LPP: variants seen among roughly 807,000 people sequenced by gnomAD.
LPP encodes LIM domain containing preferred translocation partner in lipoma.
LPP carries 38 observed loss-of-function variants against 60.4 expected under a neutral mutation model. That is an observed-to-expected ratio of 0.63 (90% CI 0.49 to 0.83). The LOEUF is 0.83. Ranked by LOEUF, LPP falls within the 40% of genes least tolerant of loss-of-function variation. LPP has a pLI of 0.00. For missense variants in LPP, 902 were observed against 783.6 expected (o/e 1.15, Z -1.80); for synonymous variants, 328 against 290.8 (o/e 1.13, Z -1.30).
intron 7 of LPP, among the ~76,000 whole-genome samples, chr3:188,647,104 C>T (rs985226635): frequency 1.1e-4 from 17 of 152,184 alleles, no homozygotes; most frequent in African/African-American, 2.7e-4. Context: ...CAGTTGGAAC[C>T]CCTGTTTTGA....
chr3:188,686,605 C>A (rs1383637339), intron 7 of LPP, among the ~76,000 whole-genome samples: 1 of 152,202 alleles, frequency 6.6e-6, no homozygotes, highest in Non-Finnish European at 1.5e-5. Context: ...CTAGGCCTCA[C>A]CCCTAGAGAT....
At position 188,698,175 on chromosome 3, in the gene LPP, T is replaced by C. The variant is rs1042525073; in HGVS notation, c.1114-10092T>C. The stretch of plus-strand genomic sequence containing the variant: ...ATTCTTCCAGGCAACCAAATGAAGA[T>C]GAAACGTGTGCCTGGAGTCACTGCC... On this transcript the variant is annotated intron_variant, in intron 7 of 11. Transcript: ENST00000617246. 2.0e-5 allele frequency among the ~76,000 whole-genome samples: 3 copies of C among 152,056 alleles called. No homozygotes were observed. In the South Asian group the frequency reaches 6.2e-4, roughly 32 times the overall value.
chr3:188,508,220 T>A (rs1016632379), intron 5 of LPP, among the ~76,000 whole-genome samples: 19 of 152,206 alleles, frequency 1.2e-4, no homozygotes, highest in African/African-American at 3.9e-4. Flanking sequence ...GAGTCCAGGA[T>A]GCTTGGCAGG....
In LPP at chr3:188,592,563, T is replaced by TTTTTTTTGG; in HGVS notation, c.430-16598_430-16597insTTTTTTTGG. ...TGTTTTTAGTTTTGTTTTTGTTTTT[T>TTTTTTTTGG]AAATGGAGTCTCACTCTTTCTCCCA... On this transcript the variant is annotated intron_variant, in intron 6 of 11. Transcript: ENST00000617246. Among the ~76,000 whole-genome samples the TTTTTTTTGG allele has an allele frequency of 1.3e-4, 10 of 77,250 alleles. 1 individual carries two copies. The highest frequency in any genetic ancestry group is 1.9e-4 in the African/African-American group (4 of 21,388). The allele number at this position is 77,250 out of a possible 152,430, so 50.7% of individuals were successfully genotyped here.
intron 4 of LPP, among the ~76,000 whole-genome samples, chr3:188,408,644 TTTGTTA>T (rs909416855): frequency 1.3e-5 from 2 of 152,332 alleles, no homozygotes; most frequent in South Asian, 4.1e-4. Flanking sequence ...TTCTACCACT[TTTGTTA>T]TTGCTCCTGC....
At chr3:188,589,837 T>C (rs1041795813) in intron 6 of LPP, among the ~76,000 whole-genome samples, 2 of 152,350 alleles carry the variant, frequency 1.3e-5, no homozygotes, top group Admixed American at 6.5e-5. Flanking sequence ...AAGCATATTT[T>C]GAACTAAAGA....
intron 7 of LPP, among the ~76,000 whole-genome samples, chr3:188,644,683 T>C (rs943403553): frequency 6.6e-6 from 1 of 152,114 alleles, no homozygotes; most frequent in African/African-American, 2.4e-5. Context: ...GTTTTTATAA[T>C]GTGGAAGCCA....
At chr3:188,230,574 G>A (rs1577411806) in intron 2 of LPP, among the ~76,000 whole-genome samples, 1 of 151,722 alleles carries the variant, frequency 6.6e-6, no homozygotes, top group South Asian at 2.1e-4. Context: ...ACCTGAGGTC[G>A]GGAGTTCAAG....
chr3:188,712,482 G>A (rs1316265856), intron 8 of LPP: 1 of 152,250 alleles, frequency 6.6e-6, no homozygotes. Context: ...GCCTGAGGAT[G>A]AGCGGAAAGA....
At chr3:188,845,117 G>T (rs1360576442) in intron 9 of LPP, among the ~76,000 whole-genome samples, 1 of 152,196 alleles carries the variant, frequency 6.6e-6, no homozygotes, top group Non-Finnish European at 1.5e-5. Context: ...CATTTTAGAA[G>T]CTCCAGAATT....
chr3:188,341,629 A>C (rs1332142036), intron 2 of LPP, 34 bp from the exon 3 acceptor site: 3 of 891,400 alleles, frequency 3.4e-6, no homozygotes, highest in Admixed American at 6.2e-5. Context: ...GGTGTCTGGA[A>C]GTAATTTTTA....
Position 188,350,407 on chromosome 3 carries a change from G to A in LPP, c.-10+8688G>A, listed in dbSNP as rs371600950. Among the ~76,000 whole-genome samples, 33 of 152,334 alleles carry A rather than the reference G, an allele frequency of 2.2e-4. No homozygotes were observed. In the South Asian group the frequency reaches 6.8e-3, roughly 32 times the overall value. ...GATATTACAAGGATTTGAAGAGTAA[G>A]TCTCTGTCAGGCAAAAACCAGCTTG... On this transcript the variant is annotated intron_variant, in intron 3 of 11. Transcript: ENST00000617246.
At chr3:188,754,156 CCATATGATAAATT>C (rs1729358853) in intron 8 of LPP, among the ~76,000 whole-genome samples, 1 of 152,110 alleles carries the variant, frequency 6.6e-6, no homozygotes, top group African/African-American at 2.4e-5. Flanking sequence ...TACAGAAGAG[CCATATGATAAATT>C]CATCGGCAAC....
At chr3:188,504,814 G>C (rs893877877) in intron 5 of LPP, among the ~76,000 whole-genome samples, 1 of 151,880 alleles carries the variant, frequency 6.6e-6, no homozygotes, top group African/African-American at 2.4e-5. Context: ...AAAAAGGACT[G>C]GCCTTTTGAG....
intron 2 of LPP, among the ~76,000 whole-genome samples, chr3:188,248,838 G>T (rs150304782): frequency 1.3e-5 from 2 of 152,146 alleles, no homozygotes; most frequent in East Asian, 3.9e-4. Flanking sequence ...CTGCTAATAC[G>T]TTTTTAAAAA....
intron 1 of LPP, among the ~76,000 whole-genome samples, chr3:188,193,835 A>C (rs1728820978): frequency 6.6e-6 from 1 of 152,028 alleles, no homozygotes; most frequent in Admixed American, 6.6e-5. Flanking sequence ...CTGGAGTTAC[A>C]CTGTGCAGCC....
chr3:188,809,980 C>T (rs535241962), intron 9 of LPP, among the ~76,000 whole-genome samples: 1 of 152,208 alleles, frequency 6.6e-6, no homozygotes, highest in Non-Finnish European at 1.5e-5. Context: ...TGTTGAAGAT[C>T]AGATGGTTGT....
chr3:188,241,057 C>A (rs2149463161), intron 2 of LPP, among the ~76,000 whole-genome samples: 1 of 152,254 alleles, frequency 6.6e-6, no homozygotes, highest in Middle Eastern at 3.4e-3. Flanking sequence ...GAGAATGTCC[C>A]TACATGTGAA....
At chr3:188,502,663 G>A (rs1812253861) in intron 5 of LPP, among the ~76,000 whole-genome samples, 1 of 152,092 alleles carries the variant, frequency 6.6e-6, no homozygotes, top group African/African-American at 2.4e-5. Flanking sequence ...CTTAAGTTGT[G>A]ATGGGGTTAT....
Sources: allele counts gnomAD v4.1 joint callset (sites outside exome capture counted in the v4.1 genomes callset), GRCh38; gene constraint gnomAD v4.1.1; transcripts MANE v1.5; gene names NCBI Gene and HGNC (gene_info 2026-07-23, HGNC 2026-07-21).